Variants in TBC1D7 observed in about 807,000 individuals in gnomAD.
TBC1D7 encodes the protein TBC domain family 7.
Under a neutral mutation model 35.3 loss-of-function variants are expected in TBC1D7, and 33 were observed. That is an observed-to-expected ratio of 0.93 (90% CI 0.71 to 1.25). The LOEUF is 1.25. Among genes scored for constraint, TBC1D7 ranks in the 50% most tolerant of loss-of-function variants. The pLI is 0.00. For missense variants in TBC1D7, 362 were observed against 365.3 expected (o/e 0.99, Z 0.07); for synonymous variants, 135 against 129.5 (o/e 1.04, Z -0.29).
At chr6:13,322,168 C>T (rs1343661415) in intron 3 of TBC1D7, among the ~76,000 whole-genome samples, 1 of 151,840 alleles carries the variant, frequency 6.6e-6, no homozygotes, top group Non-Finnish European at 1.5e-5. Flanking sequence ...GTGGGAGGAT[C>T]ACCTGAGCCT....
At chr6:13,323,133 G>A (rs1784163079) in intron 3 of TBC1D7, among the ~76,000 whole-genome samples, 1 of 152,142 alleles carries the variant, frequency 6.6e-6, no homozygotes, top group East Asian at 1.9e-4. Flanking sequence ...CAGGTGGACT[G>A]CCTGAGCTCA....
chr6:13,320,884 T>G (rs376219054), intron 4 of TBC1D7, 24 bp downstream of exon 4: 5 of 1,611,984 alleles, frequency 3.1e-6, no homozygotes, highest in Non-Finnish European at 4.2e-6. Context: ...TTGAGCTTAG[T>G]GTCAGACAAA....
chr6:13,319,619 T>C (rs1261530818), intron 4 of TBC1D7: 1 of 152,164 alleles, frequency 6.6e-6, no homozygotes, highest in Non-Finnish European at 1.5e-5. Context: ...AGAGTAGCTG[T>C]CAGTATTGTG....
chr6:13,307,292 A>G (rs1433600457), intron 6 of TBC1D7: 1 of 237,358 alleles, frequency 4.2e-6, no homozygotes, highest in East Asian at 9.2e-5. Flanking sequence ...AACTAACACT[A>G]AGATTTCTAC....
rs116342081 is a variant in TBC1D7 at position 13,327,367 on chromosome 6, C to T, written c.-8-461G>A. On this transcript the variant is annotated intron_variant, in intron 1 of 7. Coordinates refer to ENST00000379300, the MANE Select transcript of TBC1D7 (RefSeq NM_016495.6). ...TATTTTAAAACTTAACACTCTATTC[C>T]AAAATGTTAGCAATGGTTATCTTTA... 7.1e-3 allele frequency among the ~76,000 whole-genome samples: 1,082 copies of T among 152,166 alleles called. 14 individuals carry two copies. The highest frequency in any genetic ancestry group is 0.025 in the African/African-American group (1,019 of 41,508).
chr6:13,325,156 G>A lies in TBC1D7; in HGVS notation c.131C>T (p.Thr44Ile), dbSNP rs189311808. The stretch of plus-strand genomic sequence containing the variant: ...CGGGAGAGGGAACCTCTGACTAAAA[G>A]TACAAAGTTTCTCAGTATCTAGAGG... The part of the protein sequence containing the change: ...DDRLDTEKLC[T>I]FSQRFPLPSM... The change falls in exon 3 of 8, where the codon ACT (threonine) becomes ATT (isoleucine). Residue 44 changes from threonine (T) to isoleucine (I), a missense_variant. Transcript: ENST00000379300. 4 of 1,613,394 alleles carry A rather than the reference G, an allele frequency of 2.5e-6. No individual in the cohort carries two copies. The East Asian group carries it at 8.9e-5, about 36-fold the overall frequency.
intron 5 of TBC1D7, among the ~76,000 whole-genome samples, chr6:13,313,246 A>G (rs542427097): frequency 1.3e-5 from 2 of 152,320 alleles, no homozygotes; most frequent in African/African-American, 2.4e-5. Flanking sequence ...TTACAAAGAA[A>G]AAAAGTCAAC....
At chr6:13,320,861 G>C (rs540874227) in intron 4 of TBC1D7, 47 bp downstream of exon 4, 1 of 1,580,614 alleles carries the variant, frequency 6.3e-7, no homozygotes, top group Admixed American at 1.7e-5. Flanking sequence ...CGGCAAGATG[G>C]GACGGTCTAG....
intron 4 of TBC1D7, chr6:13,320,469 G>A: frequency 2.4e-6 from 1 of 420,806 alleles, no homozygotes; most frequent in Non-Finnish European, 4.2e-6. Flanking sequence ...AAAAAAAAAT[G>A]TGTTTAAAAA....
intron 3 of TBC1D7, among the ~76,000 whole-genome samples, chr6:13,323,933 T>A (rs1234647743): frequency 6.6e-6 from 1 of 152,190 alleles, no homozygotes; most frequent in African/African-American, 2.4e-5. Flanking sequence ...CTTTTCCCCA[T>A]CTGCAAAATT....
chr6:13,321,728 G>A (rs1253162965), intron 3 of TBC1D7, among the ~76,000 whole-genome samples: 1 of 152,194 alleles, frequency 6.6e-6, no homozygotes, highest in Non-Finnish European at 1.5e-5. Context: ...CAGCCATCCT[G>A]GGTTCTAGCC....
intron 3 of TBC1D7, chr6:13,323,791 TA>T (rs1784216526): frequency 6.6e-6 from 1 of 152,184 alleles, no homozygotes; most frequent in Non-Finnish European, 1.5e-5. Context: ...GAAAAGATAC[TA>T]CATTTTGGAA....
chr6:13,317,749 C>G (rs1279532984), intron 4 of TBC1D7, among the ~76,000 whole-genome samples: 2 of 152,226 alleles, frequency 1.3e-5, no homozygotes, highest in African/African-American at 4.8e-5. Context: ...ACTGACTGCT[C>G]CTGACCACTG....
At chr6:13,306,152 G>A in intron 7 of TBC1D7, 1 of 305,590 alleles carries the variant, frequency 3.3e-6, no homozygotes, top group Non-Finnish European at 6.0e-6. Context: ...ATAATCTAAT[G>A]TAACAGGAAA....
chr6:13,325,478 C>T (rs1584576490), intron 2 of TBC1D7, among the ~76,000 whole-genome samples: 1 of 152,130 alleles, frequency 6.6e-6, no homozygotes, highest in Admixed American at 6.5e-5. Flanking sequence ...GCCTGGCCAA[C>T]ATGGCAAAAC....
At chr6:13,314,302 TAGAA>T (rs1392523094) in intron 5 of TBC1D7, among the ~76,000 whole-genome samples, 3 of 152,112 alleles carry the variant, frequency 2.0e-5, no homozygotes, top group Non-Finnish European at 4.4e-5. Context: ...GTTTACTTCT[TAGAA>T]GGAGAAGTAG....
chr6:13,321,281 T>C (rs1784028003), intron 3 of TBC1D7, among the ~76,000 whole-genome samples, 186 bp from the exon 4 acceptor site: 1 of 152,216 alleles, frequency 6.6e-6, no homozygotes, highest in Non-Finnish European at 1.5e-5. Flanking sequence ...AAATGTGAAA[T>C]ATTATCAATG....
intron 7 of TBC1D7, 73 bp downstream of exon 7, chr6:13,306,325 A>C: frequency 7.2e-7 from 1 of 1,395,380 alleles, no homozygotes; most frequent in Non-Finnish European, 9.7e-7. Flanking sequence ...GAAATAATCT[A>C]ATGTAACAGG....
At chr6:13,327,740 G>T (rs1784494268) in intron 1 of TBC1D7, 1 of 152,098 alleles carries the variant, frequency 6.6e-6, no homozygotes, top group South Asian at 2.1e-4. Flanking sequence ...TAATACTGGC[G>T]GTAATTCATC....
Sources: gnomAD v4.1 joint callset for allele counts (sites outside exome capture counted in the v4.1 genomes callset) on GRCh38, gnomAD v4.1.1 for gene constraint, MANE v1.5 for transcripts, NCBI Gene and HGNC (gene_info 2026-07-23, HGNC 2026-07-21) for gene names.